The following LAMA1 variants were observed in gnomAD, a reference collection of about 807,000 sequenced individuals.
LAMA1 encodes laminin subunit alpha 1.
In LAMA1, 219 loss-of-function variants were observed where a neutral mutation model predicts 348.7. The observed-to-expected ratio is 0.63, with a 90% CI of 0.56 to 0.70. The LOEUF (loss-of-function observed/expected upper bound fraction) is 0.70, where lower values mean the gene tolerates loss of function less well. Among genes scored for constraint, LAMA1 ranks in the 30% least tolerant of loss-of-function variants. LAMA1 has a pLI of 0.00. For synonymous variants in LAMA1, 1,487 were observed against 1,491.0 expected (o/e 1.00, Z 0.06); for missense variants, 3,744 against 3,888.0 (o/e 0.96, Z 0.99).
intron 18 of LAMA1, among the ~76,000 whole-genome samples, chr18:7,023,592 G>T (rs960319949): frequency 1.3e-5 from 2 of 152,062 alleles, no homozygotes; most frequent in African/African-American, 4.8e-5. Context: ...AAATCCAGGG[G>T]ACATGCACCT....
At position 7,074,967 on chromosome 18, in the gene LAMA1, C is replaced by CAAAAAAAAAAAAAAAAAAAAAAA. The variant is rs773818069; in HGVS notation, c.345+4985_345+5007dup. On this transcript the variant is annotated intron_variant, in intron 3 of 62. Transcript: ENST00000389658. ...GATAACCAAACCTAATACATAGAGG[C>CAAAAAAAAAAAAAAAAAAAAAAA]AAAAAAAAAAAAAAAAAAAAAAAAA... 1.5e-4 allele frequency among the ~76,000 whole-genome samples: 8 copies of CAAAAAAAAAAAAAAAAAAAAAAA among 52,258 alleles called. 2 individuals are homozygous for CAAAAAAAAAAAAAAAAAAAAAAA. The highest frequency in any genetic ancestry group is 4.7e-4 in the East Asian group (1 of 2,136). The allele number at this position is 52,258 out of a possible 152,430, so 34.3% of individuals were successfully genotyped here. A position where few individuals can be genotyped will look rare whatever the true frequency, so the allele number is the denominator to read the frequency against.
chr18:7,023,403 G>T, intron 18 of LAMA1, 28 bp from the exon 19 acceptor site: 1 of 1,591,886 alleles, frequency 6.3e-7, no homozygotes, highest in South Asian at 1.1e-5. Flanking sequence ...AGTGGGATCA[G>T]ACAAATGCAG....
intron 33 of LAMA1, among the ~76,000 whole-genome samples, chr18:6,995,859 T>A (rs891697516): frequency 1.2e-4 from 18 of 152,024 alleles, no homozygotes; most frequent in Non-Finnish European, 2.2e-4. Flanking sequence ...TAAAGAAAAA[T>A]AAAGTGCTTA....
At chr18:7,010,095 C>T (rs2057852592) in intron 26 of LAMA1, 105 bp downstream of exon 26, 3 of 1,344,612 alleles carry the variant, frequency 2.2e-6, no homozygotes, top group South Asian at 1.2e-5. Flanking sequence ...GTGTGAGCCA[C>T]CGTACCTGGC....
intron 3 of LAMA1, among the ~76,000 whole-genome samples, chr18:7,056,323 A>G (rs186453942): frequency 1.8e-3 from 277 of 152,322 alleles, no homozygotes; most frequent in South Asian, 0.016. Context: ...GAGAGAAGGC[A>G]AGGTCATTTA....
chr18:6,979,895 T>C (rs1198890243), intron 42 of LAMA1, among the ~76,000 whole-genome samples: 1 of 152,120 alleles, frequency 6.6e-6, no homozygotes, highest in Admixed American at 6.5e-5. Flanking sequence ...CGAGACTCTG[T>C]CTCAAAAAAT....
chr18:6,972,653 T>G (rs933984917), intron 47 of LAMA1, among the ~76,000 whole-genome samples: 3 of 152,246 alleles, frequency 2.0e-5, no homozygotes, highest in Non-Finnish European at 4.4e-5. Context: ...CATCTTCATC[T>G]GCTTAGGATA....
At chr18:7,075,788 A>G (rs970183060) in intron 3 of LAMA1, among the ~76,000 whole-genome samples, 2 of 151,294 alleles carry the variant, frequency 1.3e-5, no homozygotes, top group African/African-American at 4.9e-5. Flanking sequence ...AAATACAAAA[A>G]TAGCTGGGTA....
chr18:7,042,197 C>T lies in LAMA1; in HGVS notation c.1209G>A (p.Gly403=), dbSNP rs758512239. ...CCTTAATACAGACAGAACTGAGGGACCCCACAGGGTCACAATTACAGGGGC... is the reference window on the plus strand; with the variant it reads ...CCTTAATACAGACAGAACTGAGGGATCCCACAGGGTCACAATTACAGGGGC... The part of the protein sequence containing the change: ...PCRPCNCDPV[G]SLSSVCIKDD... The change falls in exon 9 of 63, where the codon GGG becomes GGA. Residue 403 remains glycine (G), a synonymous_variant. Transcript: ENST00000389658. 1.2e-5 allele frequency: 19 copies of T among 1,612,670 alleles called. No homozygotes were observed. The East Asian group carries it at 3.8e-4, about 32-fold the overall frequency.
chr18:6,959,225 T>C lies in LAMA1; in HGVS notation c.7778+116A>G, dbSNP rs1600349901. ...ATCCTAGCAAGGTTCTAGAATCGTCTGGATGCCGATGACCCCAGTCATCTA... is the reference window on the plus strand; with the variant it reads ...ATCCTAGCAAGGTTCTAGAATCGTCCGGATGCCGATGACCCCAGTCATCTA... On this transcript the variant is annotated intron_variant, in intron 54 of 62. Transcript: ENST00000389658. The C allele has an allele frequency of 1.2e-5, 16 of 1,318,356 alleles. No homozygotes were observed. The East Asian group carries it at 2.3e-4, about 19-fold the overall frequency. 81.7% of individuals were successfully genotyped at this position (1,318,356 alleles called of 1,614,324 possible).
chr18:6,977,672 G>A lies in LAMA1; in HGVS notation c.6345+55C>T, dbSNP rs933858228. 7 of 1,607,572 alleles carry A rather than the reference G, an allele frequency of 4.4e-6. No individual in the cohort carries two copies. The Admixed American group carries it at 6.7e-5, about 15-fold the overall frequency. On this transcript the variant is annotated intron_variant, in intron 44 of 62. Coordinates refer to ENST00000389658, the MANE Select transcript of LAMA1 (RefSeq NM_005559.4). Reference sequence around the variant, plus strand: ...AGGGCCATGTCTGCATGAATTCCCTGGGACCCCACATGACTGAGAGCCCAG... The same window carrying A: ...AGGGCCATGTCTGCATGAATTCCCTAGGACCCCACATGACTGAGAGCCCAG...
chr18:7,009,484 G>C (rs2057849194), intron 26 of LAMA1, 118 bp from the exon 27 acceptor site: 1 of 1,103,674 alleles, frequency 9.1e-7, no homozygotes, highest in African/African-American at 1.6e-5. Context: ...TTCTGTGCAT[G>C]CCACTGAGTG....
chr18:6,995,339 G>C lies in LAMA1; in HGVS notation c.4896+18C>G. ...GAGGGACCAGGAGGAAGGTTGGTTGGTTATGGAAAGAATTTACCTTCTTTT... is the reference window on the plus strand; with the variant it reads ...GAGGGACCAGGAGGAAGGTTGGTTGCTTATGGAAAGAATTTACCTTCTTTT... On this transcript the variant is annotated intron_variant, in intron 34 of 62. Transcript: ENST00000389658. 6.3e-7 allele frequency: 1 copy of C among 1,584,380 alleles called. No individual in the cohort carries two copies. Among genetic ancestry groups the C allele is most frequent in the South Asian group, 1.1e-5 (1 of 90,412 alleles).
At chr18:6,946,281 T>C (rs2057521048) in intron 61 of LAMA1, among the ~76,000 whole-genome samples, 1 of 152,116 alleles carries the variant, frequency 6.6e-6, no homozygotes. Flanking sequence ...GGATACCTAC[T>C]GCGTTATTTC....
At chr18:6,949,060 C>T (rs1332304858) in intron 59 of LAMA1, 41 bp downstream of exon 59, 1 of 1,613,036 alleles carries the variant, frequency 6.2e-7, no homozygotes, top group Admixed American at 1.7e-5. Flanking sequence ...TAAACACGAA[C>T]ACAACGAAGG....
intron 46 of LAMA1, among the ~76,000 whole-genome samples, chr18:6,974,455 C>CTTTTTT (rs1213269695): frequency 1.5e-4 from 19 of 128,280 alleles, no homozygotes; most frequent in African/African-American, 2.6e-4. Context: ...TATTTCTTTT[C>CTTTTTT]TTTTTTTTTT....
chr18:7,086,656 C>T lies in LAMA1; in HGVS notation c.62-6199G>A, dbSNP rs187561956. Among the ~76,000 whole-genome samples, 715 of 152,176 alleles carry T rather than the reference C, an allele frequency of 4.7e-3. 1 individual carries two copies. Among genetic ancestry groups the T allele is most frequent in the Non-Finnish European group, 8.0e-3 (541 of 68,002 alleles). On this transcript the variant is annotated intron_variant, in intron 1 of 62. Transcript: ENST00000389658. ...CGGCCCTAGGACAGTGTCTGGCTCGCGTGAATGACGATAATGCCTGAGTGG... is the reference window on the plus strand; with the variant it reads ...CGGCCCTAGGACAGTGTCTGGCTCGTGTGAATGACGATAATGCCTGAGTGG...
At chr18:6,965,685 T>A in intron 49 of LAMA1, 1 of 515,448 alleles carries the variant, frequency 1.9e-6, no homozygotes, top group South Asian at 2.2e-5. Context: ...AATCTCCTCG[T>A]ATCTTTTTCA....
Position 6,966,309 on chromosome 18 carries a change from A to G in LAMA1, c.6900-12T>C. On this transcript the variant is annotated splice_polypyrimidine_tract_variant and intron_variant, in intron 48 of 62. Coordinates refer to ENST00000389658, the MANE Select transcript of LAMA1 (RefSeq NM_005559.4). ...CTTCATTCTGGGAGCTGCAAAGCAGAAGAGATGAAATAGAATCCATTCTCA... is the reference window on the plus strand; with the variant it reads ...CTTCATTCTGGGAGCTGCAAAGCAGGAGAGATGAAATAGAATCCATTCTCA... 1.2e-6 allele frequency: 2 copies of G among 1,612,190 alleles called. No homozygotes were observed. Among genetic ancestry groups the G allele is most frequent in the Non-Finnish European group, 1.7e-6 (2 of 1,179,252 alleles).
Sources: gnomAD v4.1 joint callset for allele counts (sites outside exome capture counted in the v4.1 genomes callset) on GRCh38, gnomAD v4.1.1 for gene constraint, MANE v1.5 for transcripts, NCBI Gene and HGNC (gene_info 2026-07-23, HGNC 2026-07-21) for gene names.